The following MGMT variants were observed in gnomAD, a reference collection of about 807,000 sequenced individuals.
MGMT encodes the protein methylated-DNA--protein-cysteine methyltransferase.
In MGMT, 14 loss-of-function variants were observed where a neutral mutation model predicts 15.9. That is an observed-to-expected ratio of 0.88 (90% CI 0.58 to 1.37). MGMT has a LOEUF of 1.37. Ranked by LOEUF, MGMT falls within the 40% of genes most tolerant of loss-of-function variation. The probability of loss-of-function intolerance (pLI) is 0.00; values close to 1 mark genes in which losing one functional copy is unlikely to be tolerated. For synonymous variants in MGMT, 130 were observed against 118.2 expected, an observed-to-expected ratio of 1.10 and a Z score of -0.65; for missense variants, 282 against 268.1, an observed-to-expected ratio of 1.05 and a Z score of -0.36.
intron 2 of MGMT, among the ~76,000 whole-genome samples, chr10:129,660,800 G>GCA (rs912096637): frequency 7.8e-6 from 1 of 127,528 alleles, no homozygotes; most frequent in South Asian, 2.5e-4. Context: ...ACACACACAC[G>GCA]CACACACATG....
chr10:129,722,898 CG>C (rs948165919), intron 3 of MGMT, among the ~76,000 whole-genome samples: 60 of 150,038 alleles, frequency 4.0e-4, no homozygotes, highest in African/African-American at 1.5e-3. Flanking sequence ...CCCAGCTACT[CG>C]GGAGGCTAAG....
At chr10:129,570,082 G>A (rs1846399750) in intron 2 of MGMT, among the ~76,000 whole-genome samples, 2 of 152,194 alleles carry the variant, frequency 1.3e-5, no homozygotes, top group Non-Finnish European at 2.9e-5. Flanking sequence ...ATGGCCCTTG[G>A]CCACAGCACC....
intron 2 of MGMT, chr10:129,700,710 A>G (rs1372995833): frequency 6.6e-6 from 1 of 152,230 alleles, no homozygotes; most frequent in Admixed American, 6.5e-5. Context: ...TTAAAATAAA[A>G]TGATCTTTAT....
intron 2 of MGMT, among the ~76,000 whole-genome samples, chr10:129,636,469 T>G (rs1847266186): frequency 6.6e-6 from 1 of 152,246 alleles, no homozygotes; most frequent in Non-Finnish European, 1.5e-5. Flanking sequence ...TCTAAGCAAC[T>G]GTCATTGAAA....
chr10:129,543,431 C>G (rs1846066403), intron 2 of MGMT, among the ~76,000 whole-genome samples: 1 of 152,152 alleles, frequency 6.6e-6, no homozygotes, highest in African/African-American at 2.4e-5. Flanking sequence ...ACTGGCCCAT[C>G]CACCCCAGGA....
intron 2 of MGMT, chr10:129,693,984 G>A (rs181409849): frequency 6.6e-6 from 1 of 152,364 alleles, no homozygotes; most frequent in African/African-American, 2.4e-5. Context: ...AGAATGAGGT[G>A]GCCTGAGGCC....
At chr10:129,639,876 T>C (rs1224215878) in intron 2 of MGMT, among the ~76,000 whole-genome samples, 26 of 146,214 alleles carry the variant, frequency 1.8e-4, no homozygotes. Flanking sequence ...CAGTGGAAAA[T>C]ATCAATGAGT....
At chr10:129,711,460 A>G (rs1848232196) in intron 3 of MGMT, among the ~76,000 whole-genome samples, 1 of 152,140 alleles carries the variant, frequency 6.6e-6, no homozygotes, top group Non-Finnish European at 1.5e-5. Flanking sequence ...TGAGGTTGGG[A>G]CAGGTGGGAT....
intron 2 of MGMT, among the ~76,000 whole-genome samples, chr10:129,591,785 G>A (rs1009718323): frequency 1.3e-5 from 2 of 152,268 alleles, no homozygotes; most frequent in African/African-American, 4.8e-5. Flanking sequence ...CAAAAAATTA[G>A]CCAGGCATGG....
At chr10:129,686,180 G>A (rs181953902) in intron 2 of MGMT, among the ~76,000 whole-genome samples, 38 of 152,058 alleles carry the variant, frequency 2.5e-4, no homozygotes, top group African/African-American at 8.7e-4. Flanking sequence ...ACAGACTGGT[G>A]GATATGTGAA....
rs1846600681 is a variant in MGMT at position 129,584,843 on chromosome 10, C to T, written c.125+48466C>T. 2.0e-5 allele frequency among the ~76,000 whole-genome samples: 3 copies of T among 152,176 alleles called. 1 individual carries two copies. In the South Asian group the frequency reaches 6.2e-4, roughly 31 times the overall value. ...TTAATTCCCTGCGGCCAAACAATAT[C>T]CCATCATGTGGATGAACCACATTTT... On this transcript the variant is annotated intron_variant, in intron 2 of 4. Coordinates refer to ENST00000651593, the MANE Select transcript of MGMT (RefSeq NM_002412.5).
At chr10:129,535,888 T>C (rs1366804564) in intron 1 of MGMT, among the ~76,000 whole-genome samples, 1 of 152,268 alleles carries the variant, frequency 6.6e-6, no homozygotes, top group Non-Finnish European at 1.5e-5. Flanking sequence ...GTTTTATTAA[T>C]TGTTTTAGTA....
intron 2 of MGMT, among the ~76,000 whole-genome samples, chr10:129,585,389 C>T (rs547718512): frequency 7.3e-4 from 111 of 152,132 alleles, no homozygotes; most frequent in African/African-American, 2.6e-3. Flanking sequence ...CCCCCTTAGT[C>T]ATGGGGAATA....
chr10:129,502,619 A>G (rs1200557560), intron 1 of MGMT, among the ~76,000 whole-genome samples: 1 of 151,772 alleles, frequency 6.6e-6, no homozygotes, highest in African/African-American at 2.4e-5. Flanking sequence ...GCTGCAGCTG[A>G]GGTTGGGGGT....
chr10:129,577,196 G>A (rs1373598896), intron 2 of MGMT, among the ~76,000 whole-genome samples: 6 of 140,790 alleles, frequency 4.3e-5, no homozygotes, highest in African/African-American at 1.0e-4. Context: ...TTTAAAGTTC[G>A]TATGGAACCA....
At chr10:129,615,788 G>T (rs867108046) in intron 2 of MGMT, among the ~76,000 whole-genome samples, 7 of 152,152 alleles carry the variant, frequency 4.6e-5, no homozygotes, top group Middle Eastern at 3.2e-3. Context: ...AGGATCCTTA[G>T]TGTGAGGGAG....
At position 129,714,822 on chromosome 10, in the gene MGMT, G is replaced by A. The variant is rs572680977; in HGVS notation, c.274+6779G>A. 1.8e-4 allele frequency among the ~76,000 whole-genome samples: 28 copies of A among 152,282 alleles called. No homozygotes were observed. In the South Asian group the frequency reaches 3.3e-3, roughly 18 times the overall value. ...CCCCTCTCCTAGGAAAGGGGTGCTC[G>A]GCTCCTGGTCCACTGGCAGTGGCTG... On this transcript the variant is annotated intron_variant, in intron 3 of 4. Coordinates refer to ENST00000651593, the MANE Select transcript of MGMT (RefSeq NM_002412.5).
intron 3 of MGMT, among the ~76,000 whole-genome samples, chr10:129,713,786 A>G (rs1410270964): frequency 1.3e-5 from 2 of 152,156 alleles, no homozygotes; most frequent in Non-Finnish European, 2.9e-5. Context: ...CTGCCTCCCA[A>G]GAACCCATCC....
intron 3 of MGMT, among the ~76,000 whole-genome samples, chr10:129,746,261 A>C (rs1848694957): frequency 1.3e-5 from 2 of 149,340 alleles, no homozygotes; most frequent in African/African-American, 2.5e-5. Context: ...AAAAACAAAC[A>C]AAAAAAAACA....
Sources: allele counts gnomAD v4.1 joint callset (sites outside exome capture counted in the v4.1 genomes callset), GRCh38; gene constraint gnomAD v4.1.1; transcripts MANE v1.5; gene names NCBI Gene and HGNC (gene_info 2026-07-23, HGNC 2026-07-21).